SPAG16: variants seen among roughly 807,000 people sequenced by gnomAD.
The protein encoded by SPAG16 is sperm associated antigen 16, also known as sperm-associated antigen 16 protein.
Under a neutral mutation model 80.4 loss-of-function variants are expected in SPAG16, and 86 were observed. The observed-to-expected ratio is 1.07, with a 90% confidence interval of 0.90 to 1.28. SPAG16 has a LOEUF of 1.28. Ranked by LOEUF, SPAG16 falls within the 50% of genes most tolerant of loss-of-function variation. The pLI is 0.00. For synonymous variants in SPAG16, 294 were observed against 265.9 expected, an observed-to-expected ratio of 1.11 and a Z score of -1.03; for missense variants, 870 against 765.3, an observed-to-expected ratio of 1.14 and a Z score of -1.61.
chr2:213,399,957 T>C lies in SPAG16; in HGVS notation c.942+24838T>C, dbSNP rs13005015. Among the ~76,000 whole-genome samples the C allele has an allele frequency of 2.9e-3, 437 of 152,174 alleles. 1 individual carries two copies. The highest frequency in any genetic ancestry group is 0.014 in the Middle Eastern group (4 of 294). ...ATTTATCATATTTTTTATTATCTTT[T>C]AAATCTCAAATGGATCCATAATTAT... On this transcript the variant is annotated intron_variant, in intron 9 of 15. Coordinates refer to ENST00000331683, the MANE Select transcript of SPAG16 (RefSeq NM_024532.5).
chr2:213,548,581 T>A (rs2125936036), intron 10 of SPAG16, among the ~76,000 whole-genome samples: 1 of 152,282 alleles, frequency 6.6e-6, no homozygotes, highest in South Asian at 2.1e-4. Context: ...CTCACGACAG[T>A]TTTTAGTTTC....
At chr2:213,308,889 A>T (rs561524268) in intron 3 of SPAG16, among the ~76,000 whole-genome samples, 1 of 152,224 alleles carries the variant, frequency 6.6e-6, no homozygotes, top group South Asian at 2.1e-4. Context: ...AACAAATATA[A>T]AGTTCCAAAA....
At chr2:213,804,709 CTAACT>C (rs921255017) in intron 10 of SPAG16, among the ~76,000 whole-genome samples, 9 of 151,564 alleles carry the variant, frequency 5.9e-5, no homozygotes, top group African/African-American at 2.2e-4. Flanking sequence ...AACTAACTAA[CTAACT>C]AACTAACTAA....
chr2:213,530,688 A>G (rs1277583155), intron 10 of SPAG16, among the ~76,000 whole-genome samples: 3 of 152,108 alleles, frequency 2.0e-5, no homozygotes, highest in Admixed American at 2.0e-4. Flanking sequence ...TAATATGAAC[A>G]CTTCCAAGTC....
chr2:214,153,834 G>A (rs1458737207), intron 15 of SPAG16, among the ~76,000 whole-genome samples: 1 of 151,952 alleles, frequency 6.6e-6, no homozygotes, highest in Non-Finnish European at 1.5e-5. Flanking sequence ...CTAGAGTTTA[G>A]CTTTTCCTGT....
intron 12 of SPAG16, among the ~76,000 whole-genome samples, chr2:213,968,795 T>TA (rs1282608773): frequency 2.2e-4 from 34 of 152,238 alleles, no homozygotes; most frequent in Non-Finnish European, 7.3e-5. Context: ...ATCACCTTGA[T>TA]AAAAACATGA....
chr2:213,799,469 C>A (rs758237523), intron 10 of SPAG16, among the ~76,000 whole-genome samples: 6 of 151,852 alleles, frequency 4.0e-5, no homozygotes, highest in Non-Finnish European at 8.8e-5. Context: ...TTAGAAAAGC[C>A]CACCCTAAAT....
At chr2:213,679,890 A>G (rs987702588) in intron 10 of SPAG16, among the ~76,000 whole-genome samples, 1 of 152,130 alleles carries the variant, frequency 6.6e-6, no homozygotes, top group Non-Finnish European at 1.5e-5. Flanking sequence ...ATGCAAAGGG[A>G]TTTAATAATC....
chr2:213,401,427 C>A (rs929949347), intron 9 of SPAG16, among the ~76,000 whole-genome samples: 1 of 152,152 alleles, frequency 6.6e-6, no homozygotes, highest in African/African-American at 2.4e-5. Flanking sequence ...ACATTAAATT[C>A]TGTTCATATC....
At chr2:214,226,159 A>T (rs1428088892) in intron 15 of SPAG16, among the ~76,000 whole-genome samples, 2 of 152,144 alleles carry the variant, frequency 1.3e-5, no homozygotes, top group African/African-American at 4.8e-5. Context: ...AATGGATCTC[A>T]GCTCTGCTTC....
chr2:213,445,017 A>T (rs1295313974), intron 9 of SPAG16, among the ~76,000 whole-genome samples: 1 of 152,208 alleles, frequency 6.6e-6, no homozygotes, highest in Non-Finnish European at 1.5e-5. Flanking sequence ...TCAATAAATG[A>T]TGCTGGGAAA....
intron 10 of SPAG16, among the ~76,000 whole-genome samples, chr2:213,552,888 C>T (rs2076827347): frequency 6.6e-6 from 1 of 152,180 alleles, no homozygotes; most frequent in South Asian, 2.1e-4. Flanking sequence ...GCTTCTTGCC[C>T]TCAAATGTCA....
intron 15 of SPAG16, among the ~76,000 whole-genome samples, chr2:214,250,737 T>G (rs77223428): frequency 1.7e-4 from 11 of 64,448 alleles, no homozygotes; most frequent in South Asian, 5.3e-4. Context: ...CTTTGAGATA[T>G]ATATATATAT....
At chr2:214,154,144 A>C (rs1160834932) in intron 15 of SPAG16, among the ~76,000 whole-genome samples, 1 of 152,226 alleles carries the variant, frequency 6.6e-6, no homozygotes, top group East Asian at 1.9e-4. Flanking sequence ...TTGCTATTTC[A>C]GAAAATGTTA....
intron 15 of SPAG16, among the ~76,000 whole-genome samples, chr2:214,296,526 T>C (rs1037910041): frequency 2.1e-4 from 32 of 152,234 alleles, no homozygotes; most frequent in Admixed American, 1.8e-3. Flanking sequence ...AACATTCTCT[T>C]TTCTCCACAT....
intron 10 of SPAG16, among the ~76,000 whole-genome samples, chr2:213,572,312 C>T (rs2059940138): frequency 1.2e-5 from 1 of 84,756 alleles, no homozygotes; most frequent in South Asian, 4.8e-4. Context: ...AGGAGAGGCG[C>T]TCTGCGTTTT....
At chr2:213,956,382 T>C (rs1200210071) in intron 12 of SPAG16, among the ~76,000 whole-genome samples, 1 of 152,030 alleles carries the variant, frequency 6.6e-6, no homozygotes, top group Non-Finnish European at 1.5e-5. Flanking sequence ...TTTGTTCTTA[T>C]AGTTCCTTAA....
intron 10 of SPAG16, among the ~76,000 whole-genome samples, chr2:213,780,571 CT>C (rs367744311): frequency 7.5e-4 from 94 of 124,602 alleles, no homozygotes; most frequent in Middle Eastern, 4.7e-3. Context: ...TCTTTTCTTT[CT>C]TTTTTTTTTT....
At position 214,042,054 on chromosome 2, in the gene SPAG16, A is replaced by C. The variant is rs1161267064; in HGVS notation, c.1527+27977A>C. On this transcript the variant is annotated intron_variant, in intron 13 of 15. Transcript: ENST00000331683. ...CACAAACATGTAATAAGTGTACCAA[A>C]ACCTATCAGCTGGAAGTTTTCTTTT... Among the ~76,000 whole-genome samples, 2 of 145,768 alleles carry C rather than the reference A, an allele frequency of 1.4e-5. 1 individual carries two copies. The highest frequency in any genetic ancestry group is 3.0e-5 in the Non-Finnish European group (2 of 66,404).
Sources: allele counts gnomAD v4.1 joint callset (sites outside exome capture counted in the v4.1 genomes callset), GRCh38; gene constraint gnomAD v4.1.1; transcripts MANE v1.5; gene names NCBI Gene and HGNC (gene_info 2026-07-23, HGNC 2026-07-21).